Variants in CHSY3 observed in about 807,000 individuals in gnomAD.
CHSY3 encodes N-acetylgalactosaminyl-proteoglycan 3-beta-glucuronosyltransferase 3.
In CHSY3, 35 loss-of-function variants were observed where a neutral mutation model predicts 67.2. That is an observed-to-expected ratio of 0.52 (90% confidence interval 0.40 to 0.69). The LOEUF (loss-of-function observed/expected upper bound fraction) is 0.69, where lower values mean the gene tolerates loss of function less well. Ranked by LOEUF, CHSY3 falls within the 30% of genes least tolerant of loss-of-function variation. The probability of loss-of-function intolerance (pLI) is 0.00; values close to 1 mark genes in which losing one functional copy is unlikely to be tolerated. For missense variants in CHSY3, 1,069 were observed against 1,138.5 expected, an observed-to-expected ratio of 0.94 and a Z score of 0.88; for synonymous variants, 474 against 434.7, an observed-to-expected ratio of 1.09 and a Z score of -1.12.
intron 2 of CHSY3, among the ~76,000 whole-genome samples, chr5:130,074,902 CT>C (rs5871379): frequency 6.6e-6 from 1 of 151,680 alleles, no homozygotes; most frequent in Non-Finnish European, 1.5e-5. Flanking sequence ...AATAATTAAG[CT>C]TTTAACTTAA....
chr5:129,999,124 CTT>C (rs376975711), intron 2 of CHSY3, among the ~76,000 whole-genome samples: 3 of 141,704 alleles, frequency 2.1e-5, no homozygotes, highest in Admixed American at 7.1e-5. Flanking sequence ...TCCCCCCTCC[CTT>C]TTTTTTTTTT....
Position 130,185,500 on chromosome 5 carries a change from CA to C in CHSY3, c.2362del (p.Ser788ValfsTer4). 1 of 1,614,112 alleles carries C rather than the reference CA, an allele frequency of 6.2e-7. No homozygotes were observed. Among genetic ancestry groups the C allele is most frequent in the South Asian group, 1.1e-5 (1 of 91,084 alleles). On this transcript the variant is annotated frameshift_variant, in exon 3 of 3. Transcript: ENST00000305031. LOFTEE classifies it high-confidence loss of function. ...ATGGATATGGCATCACCTGTATTTA[CA>C]AAAGTGATCTTCTAGGTGCAGGTGG... ...DYGYGITCIYKSDLLGAGGFD... is the reference protein window; with the variant it reads ...DYGYGITCIYXSDLLGAGGFD...
chr5:130,184,014 G>C (rs1486018437), intron 2 of CHSY3, among the ~76,000 whole-genome samples: 1 of 150,558 alleles, frequency 6.6e-6, no homozygotes, highest in Admixed American at 6.6e-5. Context: ...CAAAACATGT[G>C]GTACATGATA....
In CHSY3 at chr5:130,088,520, GA is replaced by G. The variant is rs1481389549; in HGVS notation, c.1087-95708del. On this transcript the variant is annotated intron_variant, in intron 2 of 2. Coordinates refer to ENST00000305031, the MANE Select transcript of CHSY3 (RefSeq NM_175856.5). ...CCAGAATCTACAATGAACTCCAACA[GA>G]TTTACAAGAAAAAAACAACCCCATC... Among the ~76,000 whole-genome samples the G allele has an allele frequency of 3.3e-5, 5 of 151,984 alleles. No individual in the cohort carries two copies. The East Asian group carries it at 9.7e-4, about 30-fold the overall frequency.
At chr5:129,985,348 A>G (rs1202983224) in intron 2 of CHSY3, among the ~76,000 whole-genome samples, 2 of 151,968 alleles carry the variant, frequency 1.3e-5, no homozygotes, top group Non-Finnish European at 2.9e-5. Flanking sequence ...GCGTAGCTTT[A>G]TTTCTGGGTT....
intron 2 of CHSY3, among the ~76,000 whole-genome samples, chr5:129,963,040 C>T (rs988242039): frequency 6.6e-6 from 1 of 151,832 alleles, no homozygotes; most frequent in African/African-American, 2.4e-5. Flanking sequence ...AGGGTTTCAG[C>T]TCCAGTGGTA....
At chr5:129,957,741 G>A (rs1169621038) in intron 2 of CHSY3, among the ~76,000 whole-genome samples, 1 of 152,010 alleles carries the variant, frequency 6.6e-6, no homozygotes, top group African/African-American at 2.4e-5. Flanking sequence ...GAGCTATTAG[G>A]TTCTTCCTTT....
chr5:130,072,519 T>C (rs184845578), intron 2 of CHSY3, among the ~76,000 whole-genome samples: 172 of 152,264 alleles, frequency 1.1e-3, no homozygotes, highest in African/African-American at 3.9e-3. Flanking sequence ...TTGGTCAGTG[T>C]GTCTGTTTTT....
intron 2 of CHSY3, among the ~76,000 whole-genome samples, chr5:130,019,999 A>AT (rs1764320248): frequency 6.6e-6 from 1 of 152,184 alleles, no homozygotes; most frequent in Admixed American, 6.5e-5. Flanking sequence ...GTACTGAGGA[A>AT]TATTAGAACA....
intron 2 of CHSY3, among the ~76,000 whole-genome samples, chr5:130,117,141 T>C (rs1767835510): frequency 6.6e-6 from 1 of 152,134 alleles, no homozygotes; most frequent in South Asian, 2.1e-4. Flanking sequence ...AGCAATTAGA[T>C]ACCTGTATTT....
chr5:130,130,923 T>G (rs796885460), intron 2 of CHSY3, among the ~76,000 whole-genome samples: 1 of 152,186 alleles, frequency 6.6e-6, no homozygotes, highest in Non-Finnish European at 1.5e-5. Context: ...TGATTCTATC[T>G]GGGTATGATT....
Position 130,184,251 on chromosome 5 carries a change from A to G in CHSY3, c.1109A>G (p.Asn370Ser), listed in dbSNP as rs756006904. Residue 370 changes from asparagine (N) to serine (S), a missense_variant, in exon 3 of 3, where the codon AAT becomes AGT. Physicochemically the swap from Asn to Ser is conservative, Grantham distance 46 (BLOSUM62 1). Around this residue, in one of 5 missense-constraint regions of CHSY3, gnomAD observed 216 missense variants for 311.5 expected, o/e 0.69. Transcript: ENST00000305031. The stretch of plus-strand genomic sequence containing the variant: ...CAGATGCAACAACTGTTCCATGAAA[A>G]TTATGAACACAATCGGAAGGGTTAC... ...SYEMQQLFHE[N>S]YEHNRKGYIQ... 6 of 1,551,296 alleles carry G rather than the reference A, an allele frequency of 3.9e-6. No individual in the cohort carries two copies. Among genetic ancestry groups the G allele is most frequent in the Non-Finnish European group, 5.2e-6 (6 of 1,147,822 alleles).
intron 2 of CHSY3, among the ~76,000 whole-genome samples, chr5:129,951,995 C>T (rs1762036784): frequency 6.6e-6 from 1 of 152,144 alleles, no homozygotes; most frequent in African/African-American, 2.4e-5. Context: ...GAGGGAGCAT[C>T]TATGTAGAAA....
intron 2 of CHSY3, among the ~76,000 whole-genome samples, chr5:130,069,324 C>T (rs931522724): frequency 2.6e-5 from 4 of 151,880 alleles, no homozygotes; most frequent in Non-Finnish European, 4.4e-5. Flanking sequence ...AACATACATT[C>T]CAATCTTATG....
chr5:130,016,155 G>T (rs185524659), intron 2 of CHSY3, among the ~76,000 whole-genome samples: 2 of 152,294 alleles, frequency 1.3e-5, no homozygotes, highest in East Asian at 3.9e-4. Flanking sequence ...TGGTGATGGA[G>T]TAATTTTACA....
chr5:129,930,149 A>G (rs1014566538), intron 2 of CHSY3, among the ~76,000 whole-genome samples: 1 of 152,106 alleles, frequency 6.6e-6, no homozygotes, highest in Non-Finnish European at 1.5e-5. Context: ...CCTGGCCAAC[A>G]TAGTGAAACC....
chr5:129,985,267 T>G (rs1029863777), intron 2 of CHSY3, among the ~76,000 whole-genome samples: 4 of 152,212 alleles, frequency 2.6e-5, no homozygotes, highest in Non-Finnish European at 4.4e-5. Context: ...CCAGCAACAT[T>G]TATTGAATAG....
At chr5:130,076,311 CTTTTTTTT>C (rs79134351) in intron 2 of CHSY3, among the ~76,000 whole-genome samples, 1 of 141,662 alleles carries the variant, frequency 7.1e-6, no homozygotes, top group Non-Finnish European at 1.6e-5. Flanking sequence ...TTTTTTCTTT[CTTTTTTTT>C]TTTTTTCTCC....
intron 2 of CHSY3, among the ~76,000 whole-genome samples, chr5:130,134,587 C>T (rs1324463375): frequency 6.6e-6 from 1 of 152,072 alleles, no homozygotes; most frequent in Non-Finnish European, 1.5e-5. Flanking sequence ...TTTAAATATG[C>T]TATTCCTAAA....
Sources: allele counts gnomAD v4.1 joint callset (sites outside exome capture counted in the v4.1 genomes callset), GRCh38; gene constraint gnomAD v4.1.1; regional missense constraint gnomAD v4.1.1; transcripts MANE v1.5; gene names NCBI Gene and HGNC (gene_info 2026-07-23, HGNC 2026-07-21).